Variants in COL4A3 observed in about 807,000 individuals in gnomAD.
COL4A3 encodes collagen type IV alpha 3 chain, also known as collagen alpha-3(IV) chain.
COL4A3 carries 135 observed loss-of-function variants against 217.4 expected under a neutral mutation model. The observed-to-expected ratio is 0.62, with a 90% CI of 0.54 to 0.72. The LOEUF is 0.72. COL4A3 is among the 30% of genes least tolerant of loss of function. COL4A3 has a pLI of 0.00. For synonymous variants in COL4A3, 690 were observed against 736.3 expected (o/e 0.94, Z 1.02); for missense variants, 1,868 against 2,119.9 (o/e 0.88, Z 2.33).
chr2:227,219,013 T>TA (rs1553743591), intron 1 of COL4A3, among the ~76,000 whole-genome samples: 3 of 151,874 alleles, frequency 2.0e-5, no homozygotes, highest in Non-Finnish European at 4.4e-5. Context: ...TTTTTTTTTT[T>TA]AGACAGAGTC....
intron 18 of COL4A3, 36 bp downstream of exon 18, chr2:227,257,680 T>C: frequency 6.3e-7 from 1 of 1,593,892 alleles, no homozygotes; most frequent in Non-Finnish European, 8.6e-7. Context: ...ATGCTATGTT[T>C]GATCAAGTTC....
In COL4A3 at chr2:227,277,482, C is replaced by T. The variant is rs759579342; in HGVS notation, c.2054C>T (p.Pro685Leu). Residue 685 changes from proline (P) to leucine (L), a missense_variant, in exon 28 of 52, where the codon CCT becomes CTT. Transcript: ENST00000396578. ...IPGSLGKCGD[P>L]GLPGPDGEPG... ...GGATCCCTGGGGAAATGTGGAGATC[C>T]TGGTCTTCCAGGGCCTGATGGTGAA... 1.9e-5 allele frequency: 31 copies of T among 1,612,844 alleles called. No individual in the cohort carries two copies. Among genetic ancestry groups the T allele is most frequent in the East Asian group, 8.9e-5 (4 of 44,868 alleles).
intron 33 of COL4A3, 109 bp downstream of exon 33, chr2:227,283,965 C>A: frequency 9.2e-7 from 1 of 1,087,722 alleles, no homozygotes; most frequent in Non-Finnish European, 1.4e-6. Flanking sequence ...TCTGAGAGAG[C>A]AACAGTATTT....
chr2:227,180,976 T>C (rs923999752), intron 1 of COL4A3, among the ~76,000 whole-genome samples: 1 of 152,214 alleles, frequency 6.6e-6, no homozygotes, highest in East Asian at 1.9e-4. Flanking sequence ...TCAGCAGAAA[T>C]GGCATCCTCC....
intron 17 of COL4A3, 98 bp from the exon 18 acceptor site, chr2:227,257,505 A>G (rs371975484): frequency 9.3e-6 from 9 of 972,668 alleles, no homozygotes; most frequent in African/African-American, 8.0e-5. Context: ...TGACATCTAC[A>G]TATCAATATA....
At position 227,267,206 on chromosome 2, in the gene COL4A3, G is replaced by C. The variant is rs2070952470; in HGVS notation, c.1504+118G>C. The C allele has an allele frequency of 2.1e-5, 16 of 753,550 alleles. No individual in the cohort carries two copies. The Admixed American group carries it at 3.0e-4, about 14-fold the overall frequency. The allele number at this position is 753,550 out of a possible 1,614,324, so 46.7% of individuals were successfully genotyped here. The stretch of plus-strand genomic sequence containing the variant: ...CGTGGTTTAGATGAACTTGGAGGGA[G>C]AGTTTCAAAAACATATATTCTATTA... On this transcript the variant is annotated intron_variant, in intron 23 of 51. Coordinates refer to ENST00000396578, the MANE Select transcript of COL4A3 (RefSeq NM_000091.5).
Position 227,195,667 on chromosome 2 carries a change from A to ATGTG in COL4A3, c.87+30880_87+30883dup, listed in dbSNP as rs34242264. Among the ~76,000 whole-genome samples, 725 of 139,968 alleles carry ATGTG rather than the reference A, an allele frequency of 5.2e-3. 7 individuals carry two copies. Among genetic ancestry groups the ATGTG allele is most frequent in the South Asian group, 0.044 (187 of 4,250 alleles). 91.8% of individuals were successfully genotyped at this position (139,968 alleles called of 152,430 possible). A position where few individuals can be genotyped will look rare whatever the true frequency, so the allele number is the denominator to read the frequency against. On this transcript the variant is annotated intron_variant, in intron 1 of 51. Coordinates refer to ENST00000396578, the MANE Select transcript of COL4A3 (RefSeq NM_000091.5). ...GAGTCTATGCCACATATATATATAT[A>ATGTG]TGTGTGTGTGTGTGTGTGTGTGTGT...
At chr2:227,263,187 G>C (rs562481508) in intron 20 of COL4A3, among the ~76,000 whole-genome samples, 21 of 152,196 alleles carry the variant, frequency 1.4e-4, no homozygotes, top group Admixed American at 3.3e-4. Flanking sequence ...TACCCCGGCT[G>C]GTTTCTCAGT....
At chr2:227,165,486 T>A (rs1648656433) in intron 1 of COL4A3, among the ~76,000 whole-genome samples, 1 of 152,218 alleles carries the variant, frequency 6.6e-6, no homozygotes, top group South Asian at 2.1e-4. Flanking sequence ...TTTAAATCCA[T>A]CCCATATTTC....
chr2:227,266,534 T>C (rs149005236), intron 22 of COL4A3, 25 bp downstream of exon 22: 264 of 1,553,422 alleles, frequency 1.7e-4, no homozygotes, highest in Non-Finnish European at 2.3e-4. Context: ...TAATGTTGTA[T>C]TAGGATAAGC....
intron 47 of COL4A3, 78 bp from the exon 48 acceptor site, chr2:227,307,632 A>C: frequency 8.7e-7 from 1 of 1,155,084 alleles, no homozygotes; most frequent in Non-Finnish European, 1.3e-6. Flanking sequence ...TATATAAAAT[A>C]TATTTAAATT....
At position 227,282,180 on chromosome 2, in the gene COL4A3, G is replaced by A. The variant is rs955427124; in HGVS notation, c.2489-185G>A. On this transcript the variant is annotated intron_variant, in intron 31 of 51. Coordinates refer to ENST00000396578, the MANE Select transcript of COL4A3 (RefSeq NM_000091.5). This position sits in a 1 kb window ranked among gnomAD's most constrained non-coding sequence, Gnocchi z 4.4. Reference sequence around the variant, plus strand: ...CCAGCTATTTGGGAGGCTGACGCAGGAGAATCACTTGAACCAGGGAGGCGG... The same window carrying A: ...CCAGCTATTTGGGAGGCTGACGCAGAAGAATCACTTGAACCAGGGAGGCGG... Among the ~76,000 whole-genome samples, 1 of 151,838 alleles carries A rather than the reference G, an allele frequency of 6.6e-6. No individual in the cohort carries two copies.
Position 227,245,975 on chromosome 2 carries a change from CCTT to C in COL4A3, c.347_349del (p.Pro116_Tyr117delinsHis). 2 of 1,613,862 alleles carry C rather than the reference CCTT, an allele frequency of 1.2e-6. No individual in the cohort carries two copies. The highest frequency in any genetic ancestry group is 1.7e-6 in the Non-Finnish European group (2 of 1,179,774). On this transcript the variant is annotated inframe_deletion, in exon 6 of 52. Transcript: ENST00000396578. The stretch of plus-strand genomic sequence containing the variant: ...CCAGGGCACCCCAGGCAATACCGGG[CCTT>C]ACGGACTTGTCGGTGTACCAGGATG...
Position 227,279,823 on chromosome 2 carries a change from C to G in COL4A3, c.2156C>G (p.Ser719Ter), listed in dbSNP as rs1164505506. The G allele has an allele frequency of 6.2e-7, 1 of 1,610,246 alleles. No homozygotes were observed. The highest frequency in any genetic ancestry group is 8.5e-7 in the Non-Finnish European group (1 of 1,178,558). ...CAAGGTTTTCCAGGTACAAAAGGAT[C>G]ACTGGGTTGTCCTGGAAAAATGGGA... ...GDQGFPGTKG[S>*]LGCPGKMGEP... The change falls in exon 29 of 52, where the codon TCA becomes TGA. Residue 719 changes from serine to a stop codon, truncating the protein, a stop_gained. Transcript: ENST00000396578. LOFTEE classifies it high-confidence loss of function.
intron 47 of COL4A3, 43 bp downstream of exon 47, chr2:227,305,126 G>C: frequency 6.5e-7 from 1 of 1,550,268 alleles, no homozygotes; most frequent in Non-Finnish European, 8.9e-7. Context: ...GTGCTATTTC[G>C]ACATACAGAG....
intron 20 of COL4A3, among the ~76,000 whole-genome samples, chr2:227,262,657 A>G (rs1435774430): frequency 6.6e-6 from 1 of 152,174 alleles, no homozygotes; most frequent in African/African-American, 2.4e-5. Context: ...GGCTACCGCA[A>G]ATGGGATTGC....
At chr2:227,243,052 T>C (rs2069119581) in intron 3 of COL4A3, among the ~76,000 whole-genome samples, 1 of 152,220 alleles carries the variant, frequency 6.6e-6, no homozygotes, top group South Asian at 2.1e-4. Context: ...ACCCTGGACT[T>C]AGATCAGCCT....
At chr2:227,304,435 A>G (rs2073420126) in intron 46 of COL4A3, 1 of 373,194 alleles carries the variant, frequency 2.7e-6, no homozygotes, top group Non-Finnish European at 5.0e-6. Context: ...TCCTCTGACA[A>G]CTGTCAGTCT....
chr2:227,291,579 A>C (rs977791063), intron 37 of COL4A3, among the ~76,000 whole-genome samples: 3 of 21,672 alleles, frequency 1.4e-4, no homozygotes, highest in Non-Finnish European at 2.4e-4. Flanking sequence ...AAAAAAAAAA[A>C]CAAAAAAAAA....
Sources: gnomAD v4.1 joint callset for allele counts (sites outside exome capture counted in the v4.1 genomes callset) on GRCh38, gnomAD v4.1.1 for gene constraint, Gnocchi (gnomAD v3.1) non-coding constraint, MANE v1.5 for transcripts, NCBI Gene and HGNC (gene_info 2026-07-23, HGNC 2026-07-21) for gene names.